The following LRRTM3 variants were observed in gnomAD, a reference collection of about 807,000 sequenced individuals.
The protein encoded by LRRTM3 is leucine rich repeat transmembrane neuronal 3, also known as leucine-rich repeat transmembrane neuronal protein 3.
Under a neutral mutation model 44.7 loss-of-function variants are expected in LRRTM3, and 24 were observed. That is an observed-to-expected ratio of 0.54 (90% CI 0.39 to 0.76). The LOEUF (loss-of-function observed/expected upper bound fraction) is 0.76. Ranked by LOEUF, LRRTM3 falls within the 30% of genes least tolerant of loss-of-function variation. The probability of loss-of-function intolerance (pLI) is 0.00; values close to 1 mark genes in which losing one functional copy is unlikely to be tolerated. For missense variants in LRRTM3, 587 were observed against 702.2 expected, an observed-to-expected ratio of 0.84 and a Z score of 1.85; for synonymous variants, 277 against 278.7, an observed-to-expected ratio of 0.99 and a Z score of 0.06.
chr10:67,079,858 AACACACACACAC>A (rs199928311), intron 2 of LRRTM3, among the ~76,000 whole-genome samples: 16,002 of 141,268 alleles, frequency 0.11, 963 homozygotes, highest in Middle Eastern at 0.21. Flanking sequence ...AAAAAAACAA[AACACACACACAC>A]ACACACACAC....
chr10:67,058,600 C>G (rs1034750800), intron 2 of LRRTM3, among the ~76,000 whole-genome samples: 1 of 152,090 alleles, frequency 6.6e-6, no homozygotes, highest in African/African-American at 2.4e-5. Flanking sequence ...CATTGCCCTG[C>G]AAGGCCCCTT....
intron 2 of LRRTM3, among the ~76,000 whole-genome samples, chr10:67,077,903 C>A (rs1357798914): frequency 6.6e-6 from 1 of 152,012 alleles, no homozygotes; most frequent in African/African-American, 2.4e-5. Flanking sequence ...TCTAGATTAA[C>A]AGAGGAGGAA....
chr10:67,023,464 G>A (rs1050371474), intron 2 of LRRTM3, among the ~76,000 whole-genome samples: 1 of 152,008 alleles, frequency 6.6e-6, no homozygotes, highest in Non-Finnish European at 1.5e-5. Flanking sequence ...TATAGAGAAC[G>A]ATGACTAAAA....
intron 2 of LRRTM3, among the ~76,000 whole-genome samples, chr10:67,015,898 TTTG>T (rs1852625922): frequency 6.6e-6 from 1 of 152,148 alleles, no homozygotes; most frequent in South Asian, 2.1e-4. Context: ...TGCTTGTGAC[TTTG>T]TTTTCAATCA....
intron 2 of LRRTM3, among the ~76,000 whole-genome samples, chr10:67,068,903 T>C (rs1316866192): frequency 5.3e-5 from 8 of 151,952 alleles, no homozygotes; most frequent in Non-Finnish European, 1.2e-4. Context: ...CTACTAAAAA[T>C]ACAGAAATTA....
Position 66,967,594 on chromosome 10 carries a change from C to T in LRRTM3, c.1536+39142C>T, listed in dbSNP as rs141221115. Among the ~76,000 whole-genome samples, 508 of 151,922 alleles carry T rather than the reference C, an allele frequency of 3.3e-3. 3 individuals carry two copies. The highest frequency in any genetic ancestry group is 9.8e-3 in the African/African-American group (405 of 41,434). On this transcript the variant is annotated intron_variant, in intron 2 of 2. Transcript: ENST00000361320. ...ATGCAAATGATACAACCATATGAGG[C>T]GGGACTATGTAAAACAGTCCATTAA...
intron 2 of LRRTM3, among the ~76,000 whole-genome samples, chr10:66,952,096 A>G (rs1309085659): frequency 2.6e-5 from 4 of 152,112 alleles, no homozygotes; most frequent in Non-Finnish European, 1.5e-5. Flanking sequence ...TGCTGGGTCC[A>G]TTTTCTCCCC....
chr10:66,944,940 A>G (rs903835566), intron 2 of LRRTM3, among the ~76,000 whole-genome samples: 1 of 152,162 alleles, frequency 6.6e-6, no homozygotes, highest in Admixed American at 6.5e-5. Context: ...CCAGTAAACC[A>G]TGCTATAAAC....
chr10:67,033,706 G>A (rs939939387), intron 2 of LRRTM3, among the ~76,000 whole-genome samples: 1 of 152,126 alleles, frequency 6.6e-6, no homozygotes, highest in African/African-American at 2.4e-5. Context: ...CTAAATGGTG[G>A]AACTCAGATT....
chr10:67,022,481 A>G (rs915287678), intron 2 of LRRTM3, among the ~76,000 whole-genome samples: 7 of 152,154 alleles, frequency 4.6e-5, no homozygotes, highest in Admixed American at 2.6e-4. Flanking sequence ...TCACAGACTA[A>G]TAAAAATAAA....
In LRRTM3 at chr10:67,028,312, T is replaced by A. The variant is rs74141760; in HGVS notation, c.1537-69275T>A. 2.2e-3 allele frequency among the ~76,000 whole-genome samples: 338 copies of A among 152,272 alleles called. 3 individuals carry two copies. The highest frequency in any genetic ancestry group is 0.01 in the Middle Eastern group (3 of 294). On this transcript the variant is annotated intron_variant, in intron 2 of 2. Coordinates refer to ENST00000361320, the MANE Select transcript of LRRTM3 (RefSeq NM_178011.5). The stretch of plus-strand genomic sequence containing the variant: ...GCAGATAAATTAAATTTTGTCTTTA[T>A]GGCAACAATTTTATGGATTGACTCA...
In LRRTM3 at chr10:67,002,013, G is replaced by A. The variant is rs1318197796; in HGVS notation, c.1536+73561G>A. 8.5e-5 allele frequency among the ~76,000 whole-genome samples: 13 copies of A among 152,136 alleles called. 1 individual carries two copies. The highest frequency in any genetic ancestry group is 8.5e-4 in the Admixed American group (13 of 15,274). ...ATGAGTCTTAGAGTCCGAAGACCTA[G>A]GTTCCGAGGAGGTCACCGTCTGGTT... On this transcript the variant is annotated intron_variant, in intron 2 of 2. Coordinates refer to ENST00000361320, the MANE Select transcript of LRRTM3 (RefSeq NM_178011.5).
At chr10:66,965,141 C>T (rs1341972745) in intron 2 of LRRTM3, among the ~76,000 whole-genome samples, 1 of 152,134 alleles carries the variant, frequency 6.6e-6, no homozygotes, top group Non-Finnish European at 1.5e-5. Context: ...GCCAAAAAGA[C>T]AGCTGGGAGC....
intron 2 of LRRTM3, among the ~76,000 whole-genome samples, chr10:67,018,000 G>A (rs560638614): frequency 6.6e-6 from 1 of 152,218 alleles, no homozygotes; most frequent in South Asian, 2.1e-4. Context: ...TCAAACTCCT[G>A]ACCTCAAGTG....
At chr10:67,029,930 C>T (rs2133105574) in intron 2 of LRRTM3, among the ~76,000 whole-genome samples, 1 of 152,322 alleles carries the variant, frequency 6.6e-6, no homozygotes, top group African/African-American at 2.4e-5. Flanking sequence ...CCATGGCTGG[C>T]CAAAGTTCTG....
intron 2 of LRRTM3, among the ~76,000 whole-genome samples, chr10:66,983,484 A>T (rs1850561662): frequency 6.6e-6 from 1 of 152,304 alleles, no homozygotes; most frequent in Admixed American, 6.5e-5. Flanking sequence ...TATAAAATAC[A>T]GAAGGACTGC....
chr10:67,034,196 C>G (rs1259466747), intron 2 of LRRTM3, among the ~76,000 whole-genome samples: 1 of 152,166 alleles, frequency 6.6e-6, no homozygotes, highest in East Asian at 1.9e-4. Flanking sequence ...CTGTACTATC[C>G]TTTGCCTGGT....
At chr10:66,947,451 T>C (rs897028505) in intron 2 of LRRTM3, among the ~76,000 whole-genome samples, 2 of 152,166 alleles carry the variant, frequency 1.3e-5, no homozygotes, top group Admixed American at 6.5e-5. Flanking sequence ...TGGTTCTGCT[T>C]CTTCTACATA....
At chr10:67,008,579 T>C (rs1459641621) in intron 2 of LRRTM3, among the ~76,000 whole-genome samples, 1 of 152,182 alleles carries the variant, frequency 6.6e-6, no homozygotes, top group South Asian at 2.1e-4. Context: ...GGGGCTGGCC[T>C]GGCTCATCTC....
Sources: allele counts gnomAD v4.1 joint callset (sites outside exome capture counted in the v4.1 genomes callset), GRCh38; gene constraint gnomAD v4.1.1; transcripts MANE v1.5; gene names NCBI Gene and HGNC (gene_info 2026-07-23, HGNC 2026-07-21).